Variants in WDR35 observed in about 807,000 individuals in gnomAD.
WDR35 encodes WD repeat-containing protein 35.
WDR35 carries 118 observed loss-of-function variants against 158.3 expected under a neutral mutation model. That is an observed-to-expected ratio of 0.75 (90% confidence interval 0.64 to 0.87). The LOEUF (loss-of-function observed/expected upper bound fraction) is 0.87. Ranked by LOEUF, WDR35 falls within the 40% of genes least tolerant of loss-of-function variation. The pLI is 0.00. For missense variants in WDR35, 1,263 were observed against 1,405.8 expected, an observed-to-expected ratio of 0.90 and a Z score of 1.62; for synonymous variants, 448 against 476.1, an observed-to-expected ratio of 0.94 and a Z score of 0.77.
At position 19,931,334 on chromosome 2, in the gene WDR35, T is replaced by C; in HGVS notation, c.2899A>G (p.Ile967Val). Reference protein sequence around the residue: ...KKLYVLSALLIEQYHEQMKNA... With the variant: ...KKLYVLSALLVEQYHEQMKNA... ...TTCATCTGTTCATGGTATTGCTCTATAAGTAAGGCTGACAGTACATAGAGC... is the reference window on the plus strand; with the variant it reads ...TTCATCTGTTCATGGTATTGCTCTACAAGTAAGGCTGACAGTACATAGAGC... Residue 967 changes from isoleucine (I) to valine (V), a missense_variant, in exon 24 of 27, where the codon ATA becomes GTA. By Grantham distance (29) the Ile-to-Val change is conservative. Coordinates refer to ENST00000281405, the MANE Select transcript of WDR35 (RefSeq NM_020779.4). 6.2e-7 allele frequency: 1 copy of C among 1,613,554 alleles called. No individual in the cohort carries two copies. The highest frequency in any genetic ancestry group is 8.5e-7 in the Non-Finnish European group (1 of 1,179,712).
chr2:19,935,694 TC>T, intron 20 of WDR35, 91 bp from the exon 21 acceptor site: 1 of 1,428,876 alleles, frequency 7.0e-7, no homozygotes, highest in Non-Finnish European at 9.6e-7. Flanking sequence ...TCATCATAAT[TC>T]CCAGTACTAG....
chr2:19,988,471 T>C (rs1672643473), intron 2 of WDR35, among the ~76,000 whole-genome samples: 1 of 152,156 alleles, frequency 6.6e-6, no homozygotes, highest in African/African-American at 2.4e-5. Flanking sequence ...AGCTATGTTG[T>C]AAGGAATCCA....
intron 25 of WDR35, among the ~76,000 whole-genome samples, chr2:19,921,655 G>T (rs1359352145): frequency 6.6e-6 from 1 of 152,154 alleles, no homozygotes; most frequent in Non-Finnish European, 1.5e-5. Flanking sequence ...TACCATTCAG[G>T]ACATAGGCAT....
At chr2:19,954,084 C>A in intron 11 of WDR35, 106 bp from the exon 12 acceptor site, 1 of 1,256,124 alleles carries the variant, frequency 8.0e-7, no homozygotes, top group Non-Finnish European at 1.1e-6. Context: ...ATTTTATAGA[C>A]AATATACCCC....
At chr2:19,917,061 T>C (rs1670012103) in intron 25 of WDR35, among the ~76,000 whole-genome samples, 1 of 152,182 alleles carries the variant, frequency 6.6e-6, no homozygotes, top group Admixed American at 6.5e-5. Flanking sequence ...GCAGCAACCT[T>C]TGCTGCTCTG....
chr2:19,945,579 G>A (rs1358653290), intron 16 of WDR35, among the ~76,000 whole-genome samples: 1 of 152,072 alleles, frequency 6.6e-6, no homozygotes, highest in East Asian at 1.9e-4. Context: ...AGAGAAAGTA[G>A]AGAATATTTA....
chr2:19,914,058 T>A lies in WDR35; in HGVS notation c.3341A>T (p.Glu1114Val), dbSNP rs1400311023. Residue 1114 changes from glutamate (E) to valine (V), a missense_variant, in exon 26 of 27, where the codon GAA becomes GTA. Coordinates refer to ENST00000281405, the MANE Select transcript of WDR35 (RefSeq NM_020779.4). ...KHTSKDNRKP[E>V]LDSLMEGGEG... ...CTACCCTTCCATAAGGCTGTCCAATTCAGGTTTTCTGTTATCTTTTGAAGT... is the reference window on the plus strand; with the variant it reads ...CTACCCTTCCATAAGGCTGTCCAATACAGGTTTTCTGTTATCTTTTGAAGT... 6 of 1,614,044 alleles carry A rather than the reference T, an allele frequency of 3.7e-6. No individual in the cohort carries two copies. The highest frequency in any genetic ancestry group is 5.1e-6 in the Non-Finnish European group (6 of 1,179,998).
intron 12 of WDR35, 118 bp downstream of exon 12, chr2:19,953,714 GAA>G (rs765288897): frequency 5.6e-5 from 74 of 1,319,770 alleles, no homozygotes; most frequent in Non-Finnish European, 7.6e-5. Context: ...CAAATTAATT[GAA>G]AAAACATTTC....
At chr2:19,977,539 A>AT (rs1288708365) in intron 5 of WDR35, among the ~76,000 whole-genome samples, 1 of 152,096 alleles carries the variant, frequency 6.6e-6, no homozygotes, top group African/African-American at 2.4e-5. Context: ...GATGGCTACC[A>AT]TCCACCATAA....
At chr2:19,939,035 A>G (rs1397725266) in intron 17 of WDR35, among the ~76,000 whole-genome samples, 1 of 152,240 alleles carries the variant, frequency 6.6e-6, no homozygotes, top group Non-Finnish European at 1.5e-5. Context: ...ACAAAATTCA[A>G]TATAATCATC....
intron 25 of WDR35, among the ~76,000 whole-genome samples, chr2:19,927,114 T>C (rs2103392467): frequency 6.6e-6 from 1 of 152,288 alleles, no homozygotes; most frequent in East Asian, 1.9e-4. Flanking sequence ...CTGCTATGAG[T>C]ATTCCTTCAG....
intron 25 of WDR35, among the ~76,000 whole-genome samples, chr2:19,925,432 T>C (rs1306182226): frequency 6.6e-6 from 1 of 152,150 alleles, no homozygotes; most frequent in East Asian, 1.9e-4. Flanking sequence ...ACTGGGTAAA[T>C]CAAATTACTG....
chr2:19,964,523 AC>A (rs1176673891), intron 10 of WDR35, among the ~76,000 whole-genome samples: 2 of 151,540 alleles, frequency 1.3e-5, no homozygotes, highest in Non-Finnish European at 2.9e-5. Context: ...AGCTGGGACT[AC>A]AGGCACACGC....
Position 19,966,886 on chromosome 2 carries a change from TAC to T in WDR35, c.1030_1031del (p.Val344SerfsTer8). 1.2e-6 allele frequency: 2 copies of T among 1,613,820 alleles called. No homozygotes were observed. The highest frequency in any genetic ancestry group is 1.7e-6 in the Non-Finnish European group (2 of 1,179,894). On this transcript the variant is annotated frameshift_variant, in exon 10 of 27. Transcript: ENST00000281405. LOFTEE classifies it high-confidence loss of function. ...NYKWGYCSNT[V>X]VYAYTRPDRP... ...GATCAGGTCTGGTATATGCATAAAC[TAC>T]AGTGTTTGAGCAATAACCCCACTAG...
intron 17 of WDR35, among the ~76,000 whole-genome samples, chr2:19,940,296 G>A (rs1473617592): frequency 1.3e-5 from 2 of 152,026 alleles, no homozygotes; most frequent in African/African-American, 2.4e-5. Context: ...GAGCCTGGGG[G>A]GCAGAGGCTA....
At chr2:19,931,864 A>T (rs1369426083) in intron 23 of WDR35, among the ~76,000 whole-genome samples, 1 of 152,162 alleles carries the variant, frequency 6.6e-6, no homozygotes, top group Non-Finnish European at 1.5e-5. Context: ...GGAATAGAAT[A>T]GAAGGTAAAA....
At chr2:19,913,780 A>T (rs992886410) in intron 26 of WDR35, 72 bp from the exon 27 acceptor site, 373 of 1,573,802 alleles carry the variant, frequency 2.4e-4, no homozygotes, top group Non-Finnish European at 2.9e-4. Flanking sequence ...TAATACACTT[A>T]AAAAAAACCT....
At position 19,931,429 on chromosome 2, in the gene WDR35, T is replaced by C; in HGVS notation, c.2824-20A>G. On this transcript the variant is annotated intron_variant, in intron 23 of 26. Coordinates refer to ENST00000281405, the MANE Select transcript of WDR35 (RefSeq NM_020779.4). ...TGCAATCTTAAACATTTTTCAAAAT[T>C]GAGGGAAGTTACTTCTTATCTATAT... is the stretch of plus-strand genomic sequence containing the variant. The C allele has an allele frequency of 3.7e-6, 6 of 1,611,960 alleles. No homozygotes were observed. The highest frequency in any genetic ancestry group is 4.2e-6 in the Non-Finnish European group (5 of 1,179,170).
At position 19,924,366 on chromosome 2, in the gene WDR35, C is replaced by A. The variant is rs1172901907; in HGVS notation, c.3121+6030G>T. On this transcript the variant is annotated intron_variant, in intron 25 of 26. Coordinates refer to ENST00000281405, the MANE Select transcript of WDR35 (RefSeq NM_020779.4). The stretch of plus-strand genomic sequence containing the variant: ...GATCACAAGGTCAGGAGATCGAGAC[C>A]ATCCTGGCTAACATGGTGAAACCCC... Among the ~76,000 whole-genome samples, 12 of 152,124 alleles carry A rather than the reference C, an allele frequency of 7.9e-5. No homozygotes were observed. The East Asian group carries it at 2.1e-3, about 27-fold the overall frequency.
Sources: allele counts gnomAD v4.1 joint callset (sites outside exome capture counted in the v4.1 genomes callset), GRCh38; gene constraint gnomAD v4.1.1; transcripts MANE v1.5; gene names NCBI Gene and HGNC (gene_info 2026-07-23, HGNC 2026-07-21).